The following ZC3H3 variants were observed in gnomAD, a reference collection of about 807,000 sequenced individuals.
The protein encoded by ZC3H3 is zinc finger CCCH-type containing 3, also known as zinc finger CCCH domain-containing protein 3.
A neutral mutation model predicts 77.3 loss-of-function variants in ZC3H3; 36 were observed. The ratio of observed to expected loss-of-function variants is 0.47; its 90% CI spans 0.36 to 0.61. The LOEUF (loss-of-function observed/expected upper bound fraction) is 0.61, where lower values mean the gene tolerates loss of function less well. ZC3H3 is among the 20% of genes least tolerant of loss of function. The pLI is 0.00. For missense variants in ZC3H3, 1,331 were observed against 1,312.2 expected (o/e 1.01, Z -0.22); for synonymous variants, 626 against 555.2 (o/e 1.13, Z -1.79).
intron 3 of ZC3H3, among the ~76,000 whole-genome samples, chr8:143,508,660 G>A (rs1356945902): frequency 6.6e-6 from 1 of 152,142 alleles, no homozygotes; most frequent in African/African-American, 2.4e-5. Flanking sequence ...GTGGGCACAG[G>A]CCCGCCTTCC....
At chr8:143,518,077 C>A (rs780864877) in intron 3 of ZC3H3, among the ~76,000 whole-genome samples, 1 of 152,212 alleles carries the variant, frequency 6.6e-6, no homozygotes, top group Non-Finnish European at 1.5e-5. Context: ...CCCAGCCCTT[C>A]TGCATGAGCG....
In ZC3H3 at chr8:143,468,057, T is replaced by C. The variant is rs142264947; in HGVS notation, c.2175+152A>G. ...CCCAGCTGCAAAGCCTGCAATGGGG[T>C]AGAGACGGTACAGCAGACTCTAAGG... On this transcript the variant is annotated intron_variant, in intron 8 of 11. Coordinates refer to ENST00000262577, the MANE Select transcript of ZC3H3 (RefSeq NM_015117.3). The C allele has an allele frequency of 3.3e-3, 3,142 of 941,958 alleles. 59 individuals carry two copies. In the African/African-American group the frequency reaches 0.044, roughly 13 times the overall value. The allele number at this position is 941,958 out of a possible 1,614,324, so 58.3% of individuals were successfully genotyped here.
intron 3 of ZC3H3, among the ~76,000 whole-genome samples, chr8:143,516,365 T>C (rs1822041703): frequency 6.6e-6 from 1 of 152,160 alleles, no homozygotes; most frequent in Non-Finnish European, 1.5e-5. Flanking sequence ...GGGGCCCTCC[T>C]GGGCACCCTC....
chr8:143,523,048 C>A (rs1822301083), intron 3 of ZC3H3, among the ~76,000 whole-genome samples: 1 of 152,228 alleles, frequency 6.6e-6, no homozygotes, highest in South Asian at 2.1e-4. Flanking sequence ...TCCAGGGCCC[C>A]TCAGGGTCAG....
At chr8:143,516,552 CACACACACACACACAT>C (rs780765689) in intron 3 of ZC3H3, among the ~76,000 whole-genome samples, 7,841 of 133,566 alleles carry the variant, frequency 0.059, 322 homozygotes, top group Admixed American at 0.15. Context: ...CACACACACA[CACACACACACACACAT>C]ACACACACAC....
At chr8:143,471,759 C>T (rs1586897555) in intron 5 of ZC3H3, among the ~76,000 whole-genome samples, 5 of 152,222 alleles carry the variant, frequency 3.3e-5, no homozygotes. Flanking sequence ...CAGCCACCCC[C>T]ACCCCTTCCA....
chr8:143,440,560 G>C (rs577622672), intron 10 of ZC3H3, among the ~76,000 whole-genome samples, 197 bp from the exon 11 acceptor site: 1 of 152,304 alleles, frequency 6.6e-6, no homozygotes, highest in African/African-American at 2.4e-5. Context: ...TCCACACCGA[G>C]CCTGCCCCTC....
At position 143,530,634 on chromosome 8, in the gene ZC3H3, G is replaced by A. The variant is rs935710604; in HGVS notation, c.1561+5623C>T. Reference sequence around the variant, plus strand: ...TTAGGGAGTCATGCCTGTCATCTCAGGGTGGCCGAGCACAGCGACGGGCCC... The same window carrying A: ...TTAGGGAGTCATGCCTGTCATCTCAAGGTGGCCGAGCACAGCGACGGGCCC... On this transcript the variant is annotated intron_variant, in intron 3 of 11. Transcript: ENST00000262577. This position sits in a 1 kb window ranked among gnomAD's most constrained non-coding sequence, Gnocchi z 4.3. 6.6e-6 allele frequency among the ~76,000 whole-genome samples: 1 copy of A among 152,102 alleles called. No homozygotes were observed. Among genetic ancestry groups the A allele is most frequent in the African/African-American group, 2.4e-5 (1 of 41,400 alleles).
chr8:143,537,522 C>A (rs376747859), intron 2 of ZC3H3, among the ~76,000 whole-genome samples: 2 of 152,248 alleles, frequency 1.3e-5, no homozygotes, highest in South Asian at 2.1e-4. Flanking sequence ...ACCAGGCACC[C>A]CTGGCAGGGC....
chr8:143,498,013 C>T (rs940369977), intron 4 of ZC3H3, among the ~76,000 whole-genome samples: 1 of 152,254 alleles, frequency 6.6e-6, no homozygotes, highest in Non-Finnish European at 1.5e-5. Flanking sequence ...TCCATGCAGG[C>T]AGGGCCAGAC....
rs1196495362 is a variant in ZC3H3 at position 143,494,466 on chromosome 8, C to T, written c.1715+13280G>A. 6.6e-6 allele frequency among the ~76,000 whole-genome samples: 1 copy of T among 152,134 alleles called. No homozygotes were observed. Among genetic ancestry groups the T allele is most frequent in the Non-Finnish European group, 1.5e-5 (1 of 68,020 alleles). ...TGACCCCCGAGGGGTGAGCACAGGA[C>T]CTCACCCCACAGTGCAGGAGCCTGT... On this transcript the variant is annotated intron_variant, in intron 4 of 11. Transcript: ENST00000262577. This position sits in a 1 kb window ranked among gnomAD's most constrained non-coding sequence, Gnocchi z 5.3.
In ZC3H3 at chr8:143,533,037, C is replaced by G. The variant is rs1173020919; in HGVS notation, c.1561+3220G>C. 6.6e-6 allele frequency among the ~76,000 whole-genome samples: 1 copy of G among 152,160 alleles called. No homozygotes were observed. Among genetic ancestry groups the G allele is most frequent in the East Asian group, 1.9e-4 (1 of 5,172 alleles). ...CAGTGGCCTCACGCACAGGTCCTCC[C>G]GACTCTGCCCACTCGGGCCTGCCAG... On this transcript the variant is annotated intron_variant, in intron 3 of 11. Coordinates refer to ENST00000262577, the MANE Select transcript of ZC3H3 (RefSeq NM_015117.3). The surrounding 1 kb of genome is among the most constrained non-coding windows in gnomAD (Gnocchi z 4.0).
chr8:143,502,538 C>T lies in ZC3H3; in HGVS notation c.1715+5208G>A, dbSNP rs1382809586. ...CTAAAATAAAATAAAATAAGGCAGC[C>T]CAGTGAGAGGCAGCCTCGTGACAGG... On this transcript the variant is annotated intron_variant, in intron 4 of 11. Coordinates refer to ENST00000262577, the MANE Select transcript of ZC3H3 (RefSeq NM_015117.3). Among the ~76,000 whole-genome samples the T allele has an allele frequency of 3.3e-5, 5 of 152,304 alleles. 1 individual carries two copies. The East Asian group carries it at 9.6e-4, about 29-fold the overall frequency.
intron 3 of ZC3H3, among the ~76,000 whole-genome samples, chr8:143,534,433 C>T (rs1163379280): frequency 6.6e-6 from 1 of 152,090 alleles, no homozygotes; most frequent in Non-Finnish European, 1.5e-5. Context: ...CGGGGGGCGC[C>T]GAGCAAGGCC....
intron 9 of ZC3H3, among the ~76,000 whole-genome samples, chr8:143,461,635 T>C (rs374841609): frequency 1.1e-4 from 16 of 152,256 alleles, no homozygotes; most frequent in African/African-American, 3.6e-4. Flanking sequence ...GGAGAGCCTC[T>C]GCAGCGGCTT....
Position 143,440,260 on chromosome 8 carries a change from A to G in ZC3H3, c.2596T>C (p.Ser866Pro). Residue 866 changes from serine to proline, a missense_variant, in exon 11 of 12, where the codon TCT (serine) becomes CCT (proline). Coordinates refer to ENST00000262577, the MANE Select transcript of ZC3H3 (RefSeq NM_015117.3). ...APPHCPGGSA[S>P]PSSSKASSSS... ...GAGGAAGCCTTCGAGGATGAGGGAG[A>G]GGCTGACCCCCCTGGGCAGTGGGGA... The G allele has an allele frequency of 1.3e-6, 2 of 1,593,538 alleles. No homozygotes were observed. The highest frequency in any genetic ancestry group is 4.5e-5 in the East Asian group (2 of 44,282).
At chr8:143,523,712 G>C (rs572590119) in intron 3 of ZC3H3, among the ~76,000 whole-genome samples, 13 of 152,194 alleles carry the variant, frequency 8.5e-5, no homozygotes, top group Non-Finnish European at 1.6e-4. Context: ...TTCTCCGCAG[G>C]CTCCCCACCC....
intron 9 of ZC3H3, among the ~76,000 whole-genome samples, chr8:143,449,147 G>C (rs542777648): frequency 6.6e-6 from 1 of 152,334 alleles, no homozygotes; most frequent in Non-Finnish European, 1.5e-5. Flanking sequence ...GGGAGGGTCT[G>C]ACATGAAGGT....
Position 143,538,905 on chromosome 8 carries a change from C to G in ZC3H3, c.462G>C (p.Trp154Cys). The G allele has an allele frequency of 6.2e-7, 1 of 1,612,936 alleles. No homozygotes were observed. Among genetic ancestry groups the G allele is most frequent in the Non-Finnish European group, 8.5e-7 (1 of 1,180,008 alleles). ...GSLEEFEETP[W>C]SDQRPREGEG... ...CACCTTCCCGGGGCCTTTGGTCACTCCAGGGGGTTTCCTCAAATTCTTCCA... is the reference window on the plus strand; with the variant it reads ...CACCTTCCCGGGGCCTTTGGTCACTGCAGGGGGTTTCCTCAAATTCTTCCA... Residue 154 changes from tryptophan (W) to cysteine (C), a missense_variant, in exon 2 of 12, where the codon TGG becomes TGC. Around this residue, in one of 3 missense-constraint regions of ZC3H3, gnomAD observed 978 missense variants for 915.5 expected, o/e 1.07. Coordinates refer to ENST00000262577, the MANE Select transcript of ZC3H3 (RefSeq NM_015117.3).
Sources: allele counts gnomAD v4.1 joint callset (sites outside exome capture counted in the v4.1 genomes callset), GRCh38; gene constraint gnomAD v4.1.1; regional missense constraint gnomAD v4.1.1; non-coding constraint Gnocchi (gnomAD v3.1); transcripts MANE v1.5; gene names NCBI Gene and HGNC (gene_info 2026-07-23, HGNC 2026-07-21).